RGS7: variants seen among roughly 807,000 people sequenced by gnomAD.
RGS7 encodes the protein regulator of G protein signaling 7.
Under a neutral mutation model 81.1 loss-of-function variants are expected in RGS7, and 27 were observed. The observed-to-expected ratio is 0.33, with a 90% CI of 0.25 to 0.46. The LOEUF is 0.46. Ranked by LOEUF, RGS7 falls within the 20% of genes least tolerant of loss-of-function variation. The pLI is 1.00. For synonymous variants in RGS7, 208 were observed against 207.7 expected, an observed-to-expected ratio of 1.00 and a Z score of -0.01; for missense variants, 396 against 607.4, an observed-to-expected ratio of 0.65 and a Z score of 3.66.
intron 6 of RGS7, among the ~76,000 whole-genome samples, chr1:240,887,709 TA>T (rs1396124180): frequency 1.2e-4 from 18 of 152,216 alleles, no homozygotes; most frequent in Non-Finnish European, 1.5e-4. Flanking sequence ...GATTTTTAAA[TA>T]TTTTTTTAAA....
chr1:241,017,683 T>C lies in RGS7; in HGVS notation c.176-34554A>G, dbSNP rs141103367. Among the ~76,000 whole-genome samples the C allele has an allele frequency of 1.1e-3, 172 of 152,260 alleles. 2 individuals are homozygous for C. In the East Asian group the frequency reaches 0.032, roughly 28 times the overall value. On this transcript the variant is annotated intron_variant, in intron 3 of 18. Coordinates refer to ENST00000440928, the MANE Select transcript of RGS7 (RefSeq NM_001364886.1). ...GGTGAAAAGTCTTCTGTAATTCTTA[T>C]GGATGTTCTTCTATAGTTTAAGTGA... is the stretch of plus-strand genomic sequence containing the variant.
chr1:241,270,143 C>T (rs1996805), intron 2 of RGS7, among the ~76,000 whole-genome samples: 21,831 of 152,136 alleles, frequency 0.14, 1,671 homozygotes, highest in Middle Eastern at 0.2. Context: ...CAGCTCTGCC[C>T]GCCTCCACTG....
chr1:241,213,518 T>G (rs1004889234), intron 2 of RGS7, among the ~76,000 whole-genome samples: 1 of 152,220 alleles, frequency 6.6e-6, no homozygotes, highest in Non-Finnish European at 1.5e-5. Flanking sequence ...TTTAGTGCTC[T>G]TTTTTGTATT....
At chr1:240,989,037 G>A (rs1686072447) in intron 3 of RGS7, among the ~76,000 whole-genome samples, 1 of 152,102 alleles carries the variant, frequency 6.6e-6, no homozygotes, top group Admixed American at 6.5e-5. Context: ...CATGGGCTGA[G>A]CCATAAAATA....
intron 9 of RGS7, among the ~76,000 whole-genome samples, chr1:240,853,795 G>A (rs1432762462): frequency 1.3e-5 from 2 of 150,568 alleles, no homozygotes; most frequent in Non-Finnish European, 3.0e-5. Flanking sequence ...CAGCTACTCA[G>A]GAGGCTGAGG....
intron 2 of RGS7, among the ~76,000 whole-genome samples, chr1:241,323,602 G>A (rs2081327397): frequency 6.6e-6 from 1 of 152,238 alleles, no homozygotes; most frequent in African/African-American, 2.4e-5. Context: ...TCAATGATAT[G>A]AACGAGTCCA....
intron 2 of RGS7, among the ~76,000 whole-genome samples, chr1:241,224,505 A>G (rs903921915): frequency 5.3e-5 from 8 of 152,098 alleles, no homozygotes; most frequent in African/African-American, 1.9e-4. Flanking sequence ...ATTGATGGAC[A>G]TTTATATAAC....
chr1:241,138,182 A>C (rs977850091), intron 2 of RGS7, among the ~76,000 whole-genome samples: 2 of 151,734 alleles, frequency 1.3e-5, no homozygotes, highest in Non-Finnish European at 2.9e-5. Context: ...AAAAACAAAA[A>C]AAAAAAAAAA....
chr1:241,287,956 G>A (rs1247154616), intron 2 of RGS7, among the ~76,000 whole-genome samples: 1 of 152,170 alleles, frequency 6.6e-6, no homozygotes, highest in Non-Finnish European at 1.5e-5. Context: ...ACTTTAGCTT[G>A]CTGACAGGTA....
At chr1:240,925,648 T>C (rs776368665) in intron 6 of RGS7, among the ~76,000 whole-genome samples, 2 of 152,212 alleles carry the variant, frequency 1.3e-5, no homozygotes, top group African/African-American at 2.4e-5. Flanking sequence ...TATCCAGTAA[T>C]GGGATTGCTG....
intron 6 of RGS7, among the ~76,000 whole-genome samples, chr1:240,918,845 GA>G (rs764625018): frequency 5.5e-5 from 8 of 144,818 alleles, no homozygotes; most frequent in Middle Eastern, 3.6e-3. Context: ...GGCTAATTAA[GA>G]AAAAAAAAAG....
intron 2 of RGS7, among the ~76,000 whole-genome samples, chr1:241,276,842 A>G (rs1370260992): frequency 6.6e-6 from 1 of 152,218 alleles, no homozygotes; most frequent in African/African-American, 2.4e-5. Context: ...TTTCTTGAAT[A>G]AACAAGTCTA....
At chr1:240,895,097 A>C in intron 6 of RGS7, among the ~76,000 whole-genome samples, 1 of 148,732 alleles carries the variant, frequency 6.7e-6, no homozygotes, top group East Asian at 2.0e-4. Context: ...CTTCCCCCTC[A>C]CTCTCTCCCT....
At chr1:240,904,917 A>G (rs1186264078) in intron 6 of RGS7, among the ~76,000 whole-genome samples, 2 of 152,236 alleles carry the variant, frequency 1.3e-5, no homozygotes, top group Non-Finnish European at 2.9e-5. Context: ...AACATCATAA[A>G]TGATTCTAAA....
intron 4 of RGS7, among the ~76,000 whole-genome samples, chr1:240,947,893 ATAT>A (rs1315021550): frequency 1.3e-5 from 2 of 152,054 alleles, no homozygotes; most frequent in Non-Finnish European, 2.9e-5. Flanking sequence ...CCATCTTTAC[ATAT>A]CCTCCTCTAG....
intron 2 of RGS7, among the ~76,000 whole-genome samples, chr1:241,167,708 C>T (rs1211863627): frequency 6.6e-6 from 1 of 151,416 alleles, no homozygotes; most frequent in Non-Finnish European, 1.5e-5. Flanking sequence ...TTAGTAGAGA[C>T]GGGGTTTCAT....
intron 3 of RGS7, among the ~76,000 whole-genome samples, chr1:241,024,870 C>A (rs115235858): frequency 1.3e-5 from 2 of 151,910 alleles, no homozygotes; most frequent in Non-Finnish European, 2.9e-5. Flanking sequence ...TTATCAAGAA[C>A]GAGAGTAAGT....
chr1:241,146,375 A>G (rs1454166062), intron 2 of RGS7, among the ~76,000 whole-genome samples: 2 of 152,200 alleles, frequency 1.3e-5, no homozygotes, highest in African/African-American at 4.8e-5. Context: ...ATGCCGTTTT[A>G]TATAAGAGAC....
intron 2 of RGS7, among the ~76,000 whole-genome samples, chr1:241,172,623 C>T (rs1251036430): frequency 6.6e-6 from 1 of 152,206 alleles, no homozygotes; most frequent in East Asian, 1.9e-4. Flanking sequence ...CAAAACAAAT[C>T]TGGCTGTGTG....
Sources: gnomAD v4.1 joint callset for allele counts (sites outside exome capture counted in the v4.1 genomes callset) on GRCh38, gnomAD v4.1.1 for gene constraint, MANE v1.5 for transcripts, NCBI Gene and HGNC (gene_info 2026-07-23, HGNC 2026-07-21) for gene names.